PTPRG: variants seen among roughly 807,000 people sequenced by gnomAD.
The protein encoded by PTPRG is receptor-type tyrosine-protein phosphatase gamma.
PTPRG carries 102 observed loss-of-function variants against 165.3 expected under a neutral mutation model. The observed-to-expected ratio is 0.62, with a 90% CI of 0.53 to 0.73. The LOEUF (loss-of-function observed/expected upper bound fraction) is 0.73. Ranked by LOEUF, PTPRG falls within the 30% of genes least tolerant of loss-of-function variation. The pLI is 0.00. For missense variants in PTPRG, 1,866 were observed against 1,861.4 expected, an observed-to-expected ratio of 1.00 and a Z score of -0.05; for synonymous variants, 675 against 669.5, an observed-to-expected ratio of 1.01 and a Z score of -0.13.
intron 1 of PTPRG, among the ~76,000 whole-genome samples, chr3:61,615,327 T>G (rs1160816951): frequency 6.6e-6 from 1 of 152,236 alleles, no homozygotes; most frequent in Non-Finnish European, 1.5e-5. Context: ...CTCTATGACC[T>G]CGATACTTTT....
intron 2 of PTPRG, among the ~76,000 whole-genome samples, chr3:61,883,555 A>C (rs528117047): frequency 2.0e-5 from 3 of 152,346 alleles, no homozygotes; most frequent in East Asian, 3.9e-4. Context: ...AATATGTAAG[A>C]GTCAATAAGA....
At chr3:62,131,802 CCTGCTGTTCA>C (rs1703525557) in intron 5 of PTPRG, among the ~76,000 whole-genome samples, 1 of 152,174 alleles carries the variant, frequency 6.6e-6, no homozygotes, top group African/African-American at 2.4e-5. Context: ...GCTCACTCCC[CCTGCTGTTCA>C]CTCTTGGATT....
At chr3:61,979,324 A>C (rs549146575) in intron 2 of PTPRG, among the ~76,000 whole-genome samples, 2 of 152,240 alleles carry the variant, frequency 1.3e-5, no homozygotes, top group East Asian at 3.9e-4. Flanking sequence ...ACACTTTTGA[A>C]ATATTATTTG....
rs116662678 is a variant in PTPRG at position 62,269,182 on chromosome 3, T to C, written c.3009+13T>C. On this transcript the variant is annotated intron_variant, in intron 20 of 29. Coordinates refer to ENST00000474889, the MANE Select transcript of PTPRG (RefSeq NM_002841.4). ...AAAAGTGAAAAAGGTATGGAAGGAA[T>C]TGGGTAGGCTGCCAGGGCATCCCCT... 3.9e-4 allele frequency: 612 copies of C among 1,567,400 alleles called. 3 individuals are homozygous for C. In the African/African-American group the frequency reaches 7.4e-3, roughly 19 times the overall value.
intron 1 of PTPRG, among the ~76,000 whole-genome samples, chr3:61,663,729 A>G (rs1430277861): frequency 6.6e-6 from 1 of 152,150 alleles, no homozygotes; most frequent in African/African-American, 2.4e-5. Context: ...ATCTGAGGGT[A>G]ATGGGAGACA....
chr3:61,925,311 C>T (rs1220606067), intron 2 of PTPRG, among the ~76,000 whole-genome samples: 1 of 152,220 alleles, frequency 6.6e-6, no homozygotes, highest in Non-Finnish European at 1.5e-5. Context: ...TGTCCTGATC[C>T]TTGTCACCTT....
intron 5 of PTPRG, among the ~76,000 whole-genome samples, chr3:62,128,160 G>C (rs1040427651): frequency 1.3e-5 from 2 of 152,202 alleles, no homozygotes; most frequent in East Asian, 3.9e-4. Context: ...CTAATGCCAC[G>C]AAAGCTGCTC....
At chr3:62,227,857 C>A (rs1321938592) in intron 13 of PTPRG, among the ~76,000 whole-genome samples, 2 of 152,098 alleles carry the variant, frequency 1.3e-5, no homozygotes. Flanking sequence ...TTTTTAAAAT[C>A]TTGAATTATT....
At chr3:61,830,566 G>GTTTTTTTTTTTTTTTTTTTT (rs57644199) in intron 2 of PTPRG, among the ~76,000 whole-genome samples, 1 of 86,498 alleles carries the variant, frequency 1.2e-5, no homozygotes, top group Non-Finnish European at 2.3e-5. Flanking sequence ...TTTTGTTTTT[G>GTTTTTTTTTTTTTTTTTTTT]TTTTTTTTTT....
chr3:62,051,417 G>A (rs762323549), intron 4 of PTPRG, among the ~76,000 whole-genome samples: 3 of 151,992 alleles, frequency 2.0e-5, no homozygotes, highest in Non-Finnish European at 4.4e-5. Context: ...AGGAGCTACT[G>A]TGCAAGAAAA....
At chr3:61,761,314 C>T (rs1202211152) in intron 2 of PTPRG, among the ~76,000 whole-genome samples, 4 of 152,252 alleles carry the variant, frequency 2.6e-5, no homozygotes, top group Admixed American at 1.3e-4. Flanking sequence ...TGGTGGCTCA[C>T]GCCTGTAATC....
At chr3:61,587,884 C>T (rs1160246229) in intron 1 of PTPRG, among the ~76,000 whole-genome samples, 1 of 151,026 alleles carries the variant, frequency 6.6e-6, no homozygotes, top group Non-Finnish European at 1.5e-5. Flanking sequence ...GTCTCAGACT[C>T]CTGGGCTTAA....
At chr3:61,614,455 G>T (rs1186102965) in intron 1 of PTPRG, among the ~76,000 whole-genome samples, 1 of 115,132 alleles carries the variant, frequency 8.7e-6, no homozygotes, top group East Asian at 2.8e-4. Flanking sequence ...TCTTTCCCAG[G>T]CTGGAGTGCA....
chr3:62,127,856 A>G (rs760935555), intron 5 of PTPRG, among the ~76,000 whole-genome samples: 1 of 152,232 alleles, frequency 6.6e-6, no homozygotes, highest in Non-Finnish European at 1.5e-5. Flanking sequence ...AAGAGTAAAC[A>G]CAGGCCCTCC....
At chr3:61,778,599 C>T (rs1020847625) in intron 2 of PTPRG, among the ~76,000 whole-genome samples, 2 of 152,110 alleles carry the variant, frequency 1.3e-5, no homozygotes, top group Admixed American at 6.6e-5. Flanking sequence ...CCCCCAGACC[C>T]TATTCTCCTG....
Position 61,981,841 on chromosome 3 carries a change from C to G in PTPRG, c.191-7784C>G, listed in dbSNP as rs114278713. Among the ~76,000 whole-genome samples the G allele has an allele frequency of 4.6e-3, 704 of 152,306 alleles. 5 individuals are homozygous for G. The highest frequency in any genetic ancestry group is 0.015 in the African/African-American group (630 of 41,570). On this transcript the variant is annotated intron_variant, in intron 2 of 29. Transcript: ENST00000474889. ...CACCACTGCCATATTCATGTCCACT[C>G]TCCAGAGATGAAACTGGAATGGAAA... is the stretch of plus-strand genomic sequence containing the variant.
At chr3:61,695,663 A>G (rs542049906) in intron 1 of PTPRG, among the ~76,000 whole-genome samples, 1 of 152,272 alleles carries the variant, frequency 6.6e-6, no homozygotes, top group Admixed American at 6.5e-5. Flanking sequence ...ACTATTCACA[A>G]GATTTTTAAA....
At chr3:62,086,406 C>G (rs1273560475) in intron 5 of PTPRG, among the ~76,000 whole-genome samples, 2 of 151,870 alleles carry the variant, frequency 1.3e-5, no homozygotes, top group African/African-American at 4.8e-5. Context: ...ACCCCAGACC[C>G]CCAGAAAAAA....
At chr3:62,033,657 G>T (rs910248031) in intron 4 of PTPRG, among the ~76,000 whole-genome samples, 8 of 151,272 alleles carry the variant, frequency 5.3e-5, no homozygotes, top group Admixed American at 4.0e-4. Context: ...GAGCCACCAC[G>T]CCTGGCTTCC....
Sources: allele counts gnomAD v4.1 joint callset (sites outside exome capture counted in the v4.1 genomes callset), GRCh38; gene constraint gnomAD v4.1.1; transcripts MANE v1.5; gene names NCBI Gene and HGNC (gene_info 2026-07-23, HGNC 2026-07-21).